The following PDE4A variants were observed in gnomAD, a reference collection of about 807,000 sequenced individuals.
The protein encoded by PDE4A is phosphodiesterase 4A.
In PDE4A, 21 loss-of-function variants were observed where a neutral mutation model predicts 73.9. That is an observed-to-expected ratio of 0.28 (90% CI 0.20 to 0.41). The LOEUF (loss-of-function observed/expected upper bound fraction) is 0.41, where lower values mean the gene tolerates loss of function less well. Ranked by LOEUF, PDE4A falls within the 10% of genes least tolerant of loss-of-function variation. The probability of loss-of-function intolerance (pLI) is 1.00; values close to 1 mark genes in which losing one functional copy is unlikely to be tolerated. For synonymous variants in PDE4A, 463 were observed against 505.4 expected, an observed-to-expected ratio of 0.92 and a Z score of 1.13; for missense variants, 958 against 1,211.4, an observed-to-expected ratio of 0.79 and a Z score of 3.10.
Position 10,421,035 on chromosome 19 carries a change from C to A in PDE4A, c.271C>A (p.His91Asn). The A allele has an allele frequency of 7.0e-7, 1 of 1,433,084 alleles. No homozygotes were observed. The highest frequency in any genetic ancestry group is 9.1e-7 in the Non-Finnish European group (1 of 1,103,338). The allele number at this position is 1,433,084 out of a possible 1,614,324, so 88.8% of individuals were successfully genotyped here. The change falls in exon 1 of 15, where the codon CAT (histidine) becomes AAT (asparagine). Residue 91 changes from histidine (H) to asparagine (N), a missense_variant. Physicochemically the swap from His to Asn is moderately conservative, Grantham distance 68. This residue lies in a region of PDE4A where 145 missense variants were observed against 137.8 expected (regional missense o/e 1.05). Transcript: ENST00000380702. ...TTRMSWPSSF[H>N]GTGTGSGGAG... ...CCGCATGTCCTGGCCCTCGTCCTTC[C>A]ATGGCACTGGCACCGGCAGCGGCGG...
intron 9 of PDE4A, 27 bp downstream of exon 9, chr19:10,459,525 C>T (rs1568382334): frequency 1.2e-6 from 2 of 1,611,398 alleles, no homozygotes; most frequent in Non-Finnish European, 1.7e-6. Flanking sequence ...GGAGTGGGCC[C>T]GGGTGAGGGG....
intron 2 of PDE4A, chr19:10,448,699 C>T (rs1243273022): frequency 2.6e-6 from 1 of 390,668 alleles, no homozygotes. Flanking sequence ...TTTGTCTCTT[C>T]TCCCCGGACC....
chr19:10,452,707 T>C (rs1348898787), intron 6 of PDE4A, among the ~76,000 whole-genome samples: 1 of 152,082 alleles, frequency 6.6e-6, no homozygotes, highest in African/African-American at 2.4e-5. Context: ...TGTGTGTGGG[T>C]GTCCCTGGAA....
intron 1 of PDE4A, chr19:10,427,814 C>T: frequency 1.0e-6 from 1 of 985,144 alleles, no homozygotes; most frequent in Non-Finnish European, 1.2e-6. Flanking sequence ...AAGCTAAGGG[C>T]ATTGAAACCT....
intron 7 of PDE4A, among the ~76,000 whole-genome samples, chr19:10,456,547 A>G (rs536796341): frequency 6.6e-6 from 1 of 151,704 alleles, no homozygotes; most frequent in Non-Finnish European, 1.5e-5. Context: ...AAATAAATAA[A>G]TAAATAAATA....
chr19:10,464,767 G>C (rs1484439894), intron 14 of PDE4A, among the ~76,000 whole-genome samples: 1 of 151,680 alleles, frequency 6.6e-6, no homozygotes, highest in Non-Finnish European at 1.5e-5. Context: ...ACCCAGGCTG[G>C]AGTGCAGGGG....
intron 2 of PDE4A, among the ~76,000 whole-genome samples, chr19:10,446,901 C>CTTTTTTTCTCTTTTTT (rs1939804348): frequency 6.9e-6 from 1 of 145,426 alleles, no homozygotes; most frequent in Admixed American, 6.9e-5. Context: ...GCCTCAGTTC[C>CTTTTTTTCTCTTTTTT]TTTTTTTTTT....
chr19:10,446,307 C>T lies in PDE4A; in HGVS notation c.410C>T (p.Ala137Val), dbSNP rs764931598. The T allele has an allele frequency of 6.2e-6, 10 of 1,612,426 alleles. No homozygotes were observed. Among genetic ancestry groups the T allele is most frequent in the African/African-American group, 1.3e-5 (1 of 74,896 alleles). ...ASPGLVLHAG[A>V]ATSQRRESFL... ...CCAGGACTCGTGCTGCACGCCGGGG[C>T]GGCCACCAGCCAGCGCCGGGAGTCC... Residue 137 changes from alanine (A) to valine (V), a missense_variant, in exon 2 of 15, where the codon GCG (alanine) becomes GTG (valine). Coordinates refer to ENST00000380702, the MANE Select transcript of PDE4A (RefSeq NM_001111307.2).
intron 1 of PDE4A, among the ~76,000 whole-genome samples, chr19:10,444,670 A>ATT (rs552364395): frequency 2.9e-4 from 39 of 135,424 alleles, no homozygotes; most frequent in East Asian, 1.3e-3. Context: ...TGTGTCTGAG[A>ATT]TTTTTTTTTT....
rs1409005959 is a variant in PDE4A, at chr19:10,453,276, G to A, written c.784-1553G>A. On this transcript the variant is annotated intron_variant, in intron 6 of 14. Coordinates refer to ENST00000380702, the MANE Select transcript of PDE4A (RefSeq NM_001111307.2). The surrounding 1 kb of genome is among the most constrained non-coding windows in gnomAD (Gnocchi z 4.6). ...CTAAGTCTCCAAGATGCCCTTGGTG[G>A]ATTTCTTCTGCGAGACCTGCTCTAA... is the stretch of plus-strand genomic sequence containing the variant. 6.2e-7 allele frequency: 1 copy of A among 1,613,312 alleles called. No individual in the cohort carries two copies. The highest frequency in any genetic ancestry group is 1.3e-5 in the African/African-American group (1 of 75,036).
At chr19:10,454,643 C>A in intron 6 of PDE4A, 186 bp from the exon 7 acceptor site, 1 of 551,480 alleles carries the variant, frequency 1.8e-6, no homozygotes. Flanking sequence ...TGGGGACCTC[C>A]ATCCAGAGCT....
chr19:10,439,125 G>T (rs1390070783), intron 1 of PDE4A, among the ~76,000 whole-genome samples: 1 of 151,984 alleles, frequency 6.6e-6, no homozygotes, highest in African/African-American at 2.4e-5. Flanking sequence ...CCTAGGAGTG[G>T]GATTGCGCGG....
chr19:10,443,360 C>T (rs150602018), intron 1 of PDE4A, among the ~76,000 whole-genome samples: 1 of 151,746 alleles, frequency 6.6e-6, no homozygotes, highest in East Asian at 2.0e-4. Flanking sequence ...ACCTGGACAA[C>T]ATGGCGAGAC....
chr19:10,450,202 G>A (rs552118199), intron 4 of PDE4A, among the ~76,000 whole-genome samples: 141 of 152,340 alleles, frequency 9.3e-4, no homozygotes, highest in African/African-American at 3.2e-3. Flanking sequence ...ATTGCCCTGC[G>A]TACATAGGAG....
upstream of PDE4A, chr19:10,417,462 C>T (rs1027295779): frequency 5.1e-6 from 5 of 981,234 alleles, no homozygotes; most frequent in Admixed American, 6.2e-5. Flanking sequence ...AAAATTATGG[C>T]TGAGAAGGGG....
At chr19:10,454,726 G>A (rs1162437521) in intron 6 of PDE4A, 103 bp from the exon 7 acceptor site, 15 of 1,575,910 alleles carry the variant, frequency 9.5e-6, no homozygotes, top group Non-Finnish European at 1.2e-5. Context: ...CAGAAAAATA[G>A]GAGGGACTCA....
At chr19:10,447,896 C>T (rs2043033085) in intron 2 of PDE4A, among the ~76,000 whole-genome samples, 3 of 152,062 alleles carry the variant, frequency 2.0e-5, no homozygotes, top group Admixed American at 2.0e-4. Flanking sequence ...CATTGCTGTA[C>T]ACACCTCAAC....
In PDE4A at chr19:10,454,882, C is replaced by T. The variant is rs62639961; in HGVS notation, c.837C>T (p.Ser279=). ...ELTHLSEMSR[S]GNQVSEYIST... ...CACACCTGTCAGAAATGAGCAGGTC[C>T]GGAAACCAGGTCTCAGAGTACATTT... Residue 279 remains serine (S), a synonymous_variant, in exon 7 of 15, where the codon TCC becomes TCT. Transcript: ENST00000380702. 5,926 of 1,614,060 alleles carry T rather than the reference C, an allele frequency of 3.7e-3. 197 individuals carry two copies. In the African/African-American group the frequency reaches 0.069, roughly 19 times the overall value.
chr19:10,432,397 C>G (rs916406065), intron 1 of PDE4A: 83 of 1,361,418 alleles, frequency 6.1e-5, no homozygotes, highest in Non-Finnish European at 7.4e-5. Context: ...GCCCTGCCGC[C>G]GTCCCCATGC....
Sources: allele counts gnomAD v4.1 joint callset (sites outside exome capture counted in the v4.1 genomes callset), GRCh38; gene constraint gnomAD v4.1.1; regional missense constraint gnomAD v4.1.1; non-coding constraint Gnocchi (gnomAD v3.1); transcripts MANE v1.5; gene names NCBI Gene and HGNC (gene_info 2026-07-23, HGNC 2026-07-21).